The following MAP4 variants were observed in gnomAD, a reference collection of about 807,000 sequenced individuals.
The protein encoded by MAP4 is microtubule-associated protein 4.
In MAP4, 76 loss-of-function variants were observed where a neutral mutation model predicts 170.2. The observed-to-expected ratio is 0.45, with a 90% CI of 0.37 to 0.54. The LOEUF (loss-of-function observed/expected upper bound fraction) is 0.54. Ranked by LOEUF, MAP4 falls within the 20% of genes least tolerant of loss-of-function variation. The probability of loss-of-function intolerance (pLI) is 0.00; values close to 1 mark genes in which losing one functional copy is unlikely to be tolerated. For missense variants in MAP4, 2,506 were observed against 2,748.0 expected (o/e 0.91, Z 1.97); for synonymous variants, 909 against 994.5 (o/e 0.91, Z 1.62).
exon 1 of MAP4, chr3:48,088,837 G>C (rs1176949201): frequency 6.6e-6 from 1 of 152,648 alleles, no homozygotes; most frequent in Non-Finnish European, 1.5e-5. Flanking sequence ...GAGCCGTGAG[G>C]AGGTAGGAGA....
rs1461916989 is a variant in MAP4 at position 48,055,513 on chromosome 3, G to T, written c.-20+33260C>A. 1.3e-4 allele frequency among the ~76,000 whole-genome samples: 19 copies of T among 146,716 alleles called. No individual in the cohort carries two copies. The South Asian group carries it at 3.2e-3, about 25-fold the overall frequency. ...AGTCTCGTTCACTCAGTGCTCAATG[G>T]TGCCCAGGCTGGAGTGCAGTGGCGT... is the stretch of plus-strand genomic sequence containing the variant. On this transcript the variant is annotated intron_variant, in intron 1 of 18. Coordinates refer to the MAP4 transcript ENST00000360240.
chr3:47,912,707 TTTAAAAATGAAACATTTCACATCTTTTAA>T (rs1326320715), intron 8 of MAP4, among the ~76,000 whole-genome samples: 24 of 152,202 alleles, frequency 1.6e-4, no homozygotes, highest in Admixed American at 1.5e-3. Context: ...GGATTGAACT[TTTAAAAATGAAACATTTCACATCTTTTAA>T]CCTCTAAAAA....
rs2100034750 is a variant in MAP4, at chr3:47,909,320, C to A, written c.5101G>T (p.Val1701Phe). 3 of 1,613,956 alleles carry A rather than the reference C, an allele frequency of 1.9e-6. No homozygotes were observed. In the African/African-American group the frequency reaches 4.0e-5, roughly 22 times the overall value. Reference sequence around the variant, plus strand: ...GCCACCTCTGAAGGAGGAGCTTCGACTTTGCTATGTAAGAAATCTGACTGG... The same window carrying A: ...GCCACCTCTGAAGGAGGAGCTTCGAATTTGCTATGTAAGAAATCTGACTGG... ...EIQSDFLHSK[V>F]EAPPSEVADT... is the part of the protein sequence containing the mutation. The change falls in exon 9 of 21, where the codon GTC becomes TTC. Residue 1701 changes from valine (V) to phenylalanine (F), a missense_variant. By Grantham distance (50) the Val-to-Phe change is conservative. Transcript: ENST00000683076.
At chr3:47,947,735 C>T (rs1333829735) in intron 3 of MAP4, among the ~76,000 whole-genome samples, 2 of 148,134 alleles carry the variant, frequency 1.4e-5, no homozygotes, top group African/African-American at 2.5e-5. Context: ...TGCTTGAACC[C>T]GGGAGGCAGA....
upstream of MAP4, chr3:48,016,554 C>T (rs1040296934): frequency 7.2e-5 from 11 of 152,224 alleles, no homozygotes; most frequent in African/African-American, 2.7e-4. Flanking sequence ...ACAGCACTTA[C>T]ATTTCTGATA....
At chr3:48,028,297 G>T (rs1368483807) in intron 1 of MAP4, among the ~76,000 whole-genome samples, 1 of 152,026 alleles carries the variant, frequency 6.6e-6, no homozygotes, top group Non-Finnish European at 1.5e-5. Context: ...ATCTCTGGGG[G>T]GGGAGGGAAA....
chr3:47,891,221 A>C, intron 10 of MAP4: 1 of 1,536,162 alleles, frequency 6.5e-7, no homozygotes, highest in Non-Finnish European at 8.7e-7. Context: ...AATCTGCTCC[A>C]GCTTACTATG....
intron 2 of MAP4, among the ~76,000 whole-genome samples, chr3:47,991,435 C>A (rs2100092135): frequency 6.6e-6 from 1 of 152,076 alleles, no homozygotes; most frequent in African/African-American, 2.4e-5. Flanking sequence ...CTTTGGGAGG[C>A]TAAGGCAGGA....
chr3:47,892,778 A>C, intron 10 of MAP4: 1 of 1,238,126 alleles, frequency 8.1e-7, no homozygotes, highest in South Asian at 2.0e-5. Context: ...CCCGTGAACT[A>C]GCACTCTGTT....
chr3:48,005,364 A>AC (rs1321493273), intron 1 of MAP4, among the ~76,000 whole-genome samples: 2 of 152,076 alleles, frequency 1.3e-5, no homozygotes, highest in Non-Finnish European at 2.9e-5. Context: ...CCTCTAAGAA[A>AC]AAAAAAAGAA....
In MAP4 at chr3:47,892,405, G is replaced by A. The variant is rs940197576; in HGVS notation, c.5434+10545C>T. The A allele has an allele frequency of 6.5e-6, 10 of 1,536,118 alleles. No individual in the cohort carries two copies. In the African/African-American group the frequency reaches 1.4e-4, roughly 21 times the overall value. ...CGGCTTGACTGATTTCTTTTGGGGAGTCCATTCGGCACTCTGCAGGCTTGC... is the reference window on the plus strand; with the variant it reads ...CGGCTTGACTGATTTCTTTTGGGGAATCCATTCGGCACTCTGCAGGCTTGC... On this transcript the variant is annotated intron_variant, in intron 10 of 20. Coordinates refer to ENST00000683076, the MANE Select transcript of MAP4 (RefSeq NM_001385682.1).
At chr3:48,068,555 C>T (rs2100139434) in intron 1 of MAP4, among the ~76,000 whole-genome samples, 1 of 151,740 alleles carries the variant, frequency 6.6e-6, no homozygotes, top group Non-Finnish European at 1.5e-5. Context: ...TTAGGGAGGC[C>T]AAGGCGGGCG....
chr3:47,857,405 C>A, intron 18 of MAP4, 26 bp downstream of exon 18: 1 of 1,598,542 alleles, frequency 6.3e-7, no homozygotes, highest in South Asian at 1.1e-5. Flanking sequence ...CCTGGAGACC[C>A]AGTGGGCAAG....
chr3:47,958,682 ATTTTTT>A (rs769235654), intron 3 of MAP4, among the ~76,000 whole-genome samples: 4 of 121,476 alleles, frequency 3.3e-5, no homozygotes, highest in African/African-American at 9.3e-5. Context: ...CACCCGGCTA[ATTTTTT>A]TTTTTTTTTT....
intron 3 of MAP4, among the ~76,000 whole-genome samples, chr3:47,961,994 T>G (rs1475222334): frequency 6.6e-6 from 1 of 152,068 alleles, no homozygotes; most frequent in Non-Finnish European, 1.5e-5. Flanking sequence ...TAACCTCGAG[T>G]TGCCCTCAGG....
chr3:48,070,344 C>CCTT (rs1039751274), intron 1 of MAP4, among the ~76,000 whole-genome samples: 4 of 151,008 alleles, frequency 2.6e-5, no homozygotes, highest in South Asian at 2.1e-4. Flanking sequence ...TTCTTTTTAT[C>CCTT]CTTCTTCTTC....
chr3:48,079,184 G>A (rs141532738), intron 1 of MAP4, among the ~76,000 whole-genome samples: 5 of 151,876 alleles, frequency 3.3e-5, no homozygotes, highest in South Asian at 2.1e-4. Context: ...ACAAAAATCC[G>A]AAATCTGAAA....
At chr3:47,991,061 T>C (rs2100091846) in intron 2 of MAP4, among the ~76,000 whole-genome samples, 1 of 152,172 alleles carries the variant, frequency 6.6e-6, no homozygotes, top group Non-Finnish European at 1.5e-5. Flanking sequence ...ATGAGTATAG[T>C]AGATCCAAAG....
chr3:47,993,325 ACT>A (rs1157112976), intron 2 of MAP4, among the ~76,000 whole-genome samples: 1 of 151,894 alleles, frequency 6.6e-6, no homozygotes, highest in Admixed American at 6.6e-5. Context: ...ATGTAGTAAG[ACT>A]CTGTCTCAAA....
Sources: allele counts gnomAD v4.1 joint callset (sites outside exome capture counted in the v4.1 genomes callset), GRCh38; gene constraint gnomAD v4.1.1; transcripts MANE v1.5; gene names NCBI Gene and HGNC (gene_info 2026-07-23, HGNC 2026-07-21).